CAMTA1: variants seen among roughly 807,000 people sequenced by gnomAD.
CAMTA1 encodes calmodulin binding transcription activator 1, also known as calmodulin-binding transcription activator 1.
In CAMTA1, 27 loss-of-function variants were observed where a neutral mutation model predicts 170.9. The ratio of observed to expected loss-of-function variants is 0.16; its 90% CI spans 0.12 to 0.22. The LOEUF (loss-of-function observed/expected upper bound fraction) is 0.22, where lower values mean the gene tolerates loss of function less well. Among genes scored for constraint, CAMTA1 ranks in the 10% least tolerant of loss-of-function variants. CAMTA1 has a pLI of 1.00. For synonymous variants in CAMTA1, 833 were observed against 891.5 expected, an observed-to-expected ratio of 0.93 and a Z score of 1.17; for missense variants, 1,619 against 2,217.2, an observed-to-expected ratio of 0.73 and a Z score of 5.42.
intron 3 of CAMTA1, among the ~76,000 whole-genome samples, chr1:6,891,112 C>CTT (rs1674414839): frequency 6.6e-6 from 1 of 152,200 alleles, no homozygotes; most frequent in African/African-American, 2.4e-5. Flanking sequence ...AGACATTTCT[C>CTT]TTTCCTTCCT....
At position 7,664,187 on chromosome 1, in the gene CAMTA1, C is replaced by A; in HGVS notation, c.1640C>A (p.Ala547Glu). Residue 547 changes from alanine (A) to glutamate (E), a missense_variant, in exon 9 of 23, where the codon GCG becomes GAG. This residue lies in a region of CAMTA1 where 731 missense variants were observed against 907.6 expected (regional missense o/e 0.81). Transcript: ENST00000303635. ...TSFEQQMAKE[A>E]YSSSAAAVAA... ...TTCGAGCAGCAGATGGCCAAAGAAG[C>A]GTACTCCTCCTCCGCGGCGGCTGTG... is the stretch of plus-strand genomic sequence containing the variant. 6.2e-7 allele frequency: 1 copy of A among 1,612,758 alleles called. No homozygotes were observed. Among genetic ancestry groups the A allele is most frequent in the Non-Finnish European group, 8.5e-7 (1 of 1,180,034 alleles).
intron 5 of CAMTA1, among the ~76,000 whole-genome samples, chr1:7,364,803 A>G (rs1309938663): frequency 6.6e-6 from 1 of 152,250 alleles, no homozygotes; most frequent in African/African-American, 2.4e-5. Flanking sequence ...CACTCCACAC[A>G]GTGCTTCTAG....
intron 3 of CAMTA1, among the ~76,000 whole-genome samples, chr1:6,885,515 A>T (rs1571369904): frequency 6.6e-6 from 1 of 152,206 alleles, no homozygotes; most frequent in Non-Finnish European, 1.5e-5. Flanking sequence ...TTAAACTTTA[A>T]CCAGCATAGC....
At chr1:7,759,207 A>G (rs1457065884) in intron 22 of CAMTA1, among the ~76,000 whole-genome samples, 4 of 152,184 alleles carry the variant, frequency 2.6e-5, no homozygotes, top group African/African-American at 9.7e-5. Flanking sequence ...ATTAAATTTT[A>G]TGGGACAGTA....
At chr1:7,500,574 C>G (rs2093988739) in intron 6 of CAMTA1, among the ~76,000 whole-genome samples, 1 of 152,280 alleles carries the variant, frequency 6.6e-6, no homozygotes. Flanking sequence ...CGGCCCTGCT[C>G]CCCTGGGTGG....
At chr1:7,550,778 C>T (rs57697431) in intron 6 of CAMTA1, among the ~76,000 whole-genome samples, 8,130 of 130,902 alleles carry the variant, frequency 0.062, 606 homozygotes, top group African/African-American at 0.15. Flanking sequence ...CCCTCTCCTA[C>T]CTGACCGTCT....
chr1:7,453,874 G>A (rs996561191), intron 5 of CAMTA1, among the ~76,000 whole-genome samples: 1 of 152,218 alleles, frequency 6.6e-6, no homozygotes, highest in African/African-American at 2.4e-5. Context: ...GCTGGGACCC[G>A]GCCCCCCGCA....
chr1:7,410,306 G>A (rs2090620561), intron 5 of CAMTA1, among the ~76,000 whole-genome samples: 1 of 152,196 alleles, frequency 6.6e-6, no homozygotes, highest in African/African-American at 2.4e-5. Context: ...GTGGACATGG[G>A]GCCCAGGGCC....
chr1:7,610,246 G>A (rs1016454638), intron 6 of CAMTA1, among the ~76,000 whole-genome samples: 5 of 152,318 alleles, frequency 3.3e-5, no homozygotes, highest in Admixed American at 3.3e-4. Context: ...AAGGCTCAGC[G>A]AGAAGAGCTG....
At chr1:6,910,401 G>A (rs74051055) in intron 3 of CAMTA1, among the ~76,000 whole-genome samples, 2,098 of 152,312 alleles carry the variant, frequency 0.014, 43 homozygotes, top group African/African-American at 0.047. Flanking sequence ...AGTCACCTGG[G>A]TGGCCCCAAA....
intron 3 of CAMTA1, among the ~76,000 whole-genome samples, chr1:7,033,588 C>CTTTTTTTTT (rs34282545): frequency 1.3e-4 from 12 of 95,130 alleles, no homozygotes; most frequent in East Asian, 3.3e-4. Flanking sequence ...TGTAAATATT[C>CTTTTTTTTT]TTTTTTTTTT....
At chr1:7,364,949 G>T (rs938072896) in intron 5 of CAMTA1, among the ~76,000 whole-genome samples, 1 of 152,242 alleles carries the variant, frequency 6.6e-6, no homozygotes, top group African/African-American at 2.4e-5. Flanking sequence ...GGGGAATGGC[G>T]GTGGCCATGG....
At chr1:7,691,747 C>T (rs968036251) in intron 11 of CAMTA1, among the ~76,000 whole-genome samples, 3 of 151,014 alleles carry the variant, frequency 2.0e-5, no homozygotes, top group Non-Finnish European at 4.4e-5. Flanking sequence ...GACAAGAGAG[C>T]GAGAGAGAGA....
chr1:7,715,461 C>G (rs563658504), intron 11 of CAMTA1, among the ~76,000 whole-genome samples: 1 of 148,118 alleles, frequency 6.8e-6, no homozygotes, highest in Admixed American at 6.8e-5. Context: ...GAGGCACGGT[C>G]TCTCTCTCTG....
At chr1:7,237,413 A>C (rs1369979581) in intron 4 of CAMTA1, among the ~76,000 whole-genome samples, 1 of 152,106 alleles carries the variant, frequency 6.6e-6, no homozygotes, top group Non-Finnish European at 1.5e-5. Context: ...TGCACAGATG[A>C]AATTGGTGGT....
rs1356477366 is a variant in CAMTA1 at position 7,634,452 on chromosome 1, A to G, written c.511-5948A>G. ...AGTCATGGGGATTTTGAGGCCTTCG[A>G]GGGGTGCCGTCAACAGGCAGGTAGG... On this transcript the variant is annotated intron_variant, in intron 6 of 22. Coordinates refer to ENST00000303635, the MANE Select transcript of CAMTA1 (RefSeq NM_015215.4). The surrounding 1 kb of genome is among the most constrained non-coding windows in gnomAD (Gnocchi z 6.2). Among the ~76,000 whole-genome samples, 1 of 151,910 alleles carries G rather than the reference A, an allele frequency of 6.6e-6. No homozygotes were observed. The highest frequency in any genetic ancestry group is 1.5e-5 in the Non-Finnish European group (1 of 67,962).
intron 3 of CAMTA1, among the ~76,000 whole-genome samples, chr1:6,863,222 A>AT (rs1252209522): frequency 6.6e-6 from 1 of 152,202 alleles, no homozygotes; most frequent in African/African-American, 2.4e-5. Flanking sequence ...CAAATAAACA[A>AT]TACAGTATTA....
At chr1:7,268,544 C>T (rs1669250764) in intron 5 of CAMTA1, among the ~76,000 whole-genome samples, 1 of 152,170 alleles carries the variant, frequency 6.6e-6, no homozygotes, top group African/African-American at 2.4e-5. Context: ...GGGTATTCCA[C>T]AGAGACCCCA....
chr1:6,788,976 G>A (rs1439137954), intron 1 of CAMTA1, among the ~76,000 whole-genome samples: 1 of 152,164 alleles, frequency 6.6e-6, no homozygotes, highest in Non-Finnish European at 1.5e-5. Flanking sequence ...CTTTCTGTTC[G>A]ACTTTCTGTT....
Sources: gnomAD v4.1 joint callset for allele counts (sites outside exome capture counted in the v4.1 genomes callset) on GRCh38, gnomAD v4.1.1 for gene constraint, gnomAD v4.1.1 regional missense constraint, Gnocchi (gnomAD v3.1) non-coding constraint, MANE v1.5 for transcripts, NCBI Gene and HGNC (gene_info 2026-07-23, HGNC 2026-07-21) for gene names.